HS6ST3: variants seen among roughly 807,000 people sequenced by gnomAD.
HS6ST3 encodes the protein heparan-sulfate 6-O-sulfotransferase 3.
A neutral mutation model predicts 36.7 loss-of-function variants in HS6ST3; 12 were observed. The ratio of observed to expected loss-of-function variants is 0.33; its 90% CI spans 0.21 to 0.53. HS6ST3 has a LOEUF of 0.53. Among genes scored for constraint, HS6ST3 ranks in the 20% least tolerant of loss-of-function variants. The pLI, the probability that HS6ST3 is intolerant of heterozygous loss-of-function variation, is 0.95. For synonymous variants in HS6ST3, 240 were observed against 257.5 expected, an observed-to-expected ratio of 0.93 and a Z score of 0.65; for missense variants, 584 against 640.9, an observed-to-expected ratio of 0.91 and a Z score of 0.96.
intron 1 of HS6ST3, among the ~76,000 whole-genome samples, chr13:96,753,963 C>T (rs1246558326): frequency 2.0e-5 from 3 of 152,020 alleles, no homozygotes; most frequent in East Asian, 1.9e-4. Flanking sequence ...GGATTACAGG[C>T]GCCCACTACC....
chr13:96,101,657 C>T lies in HS6ST3; in HGVS notation c.707+10088C>T, dbSNP rs556726678. ...GTTCAACATATATATTTATAGATGA[C>T]AAAATGCATATCCAATACCATGTCT... On this transcript the variant is annotated intron_variant, in intron 1 of 1. Coordinates refer to ENST00000376705, the MANE Select transcript of HS6ST3 (RefSeq NM_153456.4). Among the ~76,000 whole-genome samples the T allele has an allele frequency of 6.6e-5, 10 of 152,148 alleles. No individual in the cohort carries two copies. The East Asian group carries it at 1.9e-3, about 29-fold the overall frequency.
In HS6ST3 at chr13:96,832,881, A is replaced by G; in HGVS notation, c.1099A>G (p.Thr367Ala). 1.2e-6 allele frequency: 2 copies of G among 1,614,190 alleles called. No individual in the cohort carries two copies. The highest frequency in any genetic ancestry group is 1.7e-6 in the Non-Finnish European group (2 of 1,180,026). Residue 367 changes from threonine (T) to alanine (A), a missense_variant, in exon 2 of 2, where the codon ACA becomes GCA. Physicochemically the swap from Thr to Ala is moderately conservative, Grantham distance 58. Transcript: ENST00000376705. The stretch of plus-strand genomic sequence containing the variant: ...GAAGACACAGTTTCTCTTTGAGAGA[A>G]CATTCAACCTCAAGTTCATCTCCCC... ...QRKTQFLFER[T>A]FNLKFISPFT...
In HS6ST3 at chr13:96,118,645, GATATATATATATATATATATATATATAT is replaced by G. The variant is rs1258222344; in HGVS notation, c.707+27093_707+27120del. Among the ~76,000 whole-genome samples the G allele has an allele frequency of 1.9e-4, 8 of 42,776 alleles. No homozygotes were observed. In the East Asian group the frequency reaches 4.7e-3, roughly 25 times the overall value. 28.1% of individuals were successfully genotyped at this position (42,776 alleles called of 152,430 possible). ...ATCAATACTAATTAAGAACATTAAA[GATATATATATATATATATATATATATAT>G]ATATATATATATATATTTTTTTTTT... On this transcript the variant is annotated intron_variant, in intron 1 of 1. Transcript: ENST00000376705.
At chr13:96,118,770 G>A (rs914185086) in intron 1 of HS6ST3, among the ~76,000 whole-genome samples, 5 of 126,144 alleles carry the variant, frequency 4.0e-5, no homozygotes, top group Non-Finnish European at 6.3e-5. Flanking sequence ...GACTGCAGTG[G>A]CGCAATCTCG....
chr13:96,634,211 G>A (rs758605748), intron 1 of HS6ST3, among the ~76,000 whole-genome samples: 7 of 152,172 alleles, frequency 4.6e-5, no homozygotes, highest in Admixed American at 1.3e-4. Flanking sequence ...CATAGCAGCC[G>A]AACTGAGCAA....
chr13:96,704,678 A>G (rs1055946504), intron 1 of HS6ST3, among the ~76,000 whole-genome samples: 12 of 152,104 alleles, frequency 7.9e-5, no homozygotes, highest in Non-Finnish European at 1.3e-4. Context: ...AGAGGAAGCC[A>G]GGTATGAGGG....
At chr13:96,706,853 C>G (rs1225182740) in intron 1 of HS6ST3, among the ~76,000 whole-genome samples, 1 of 152,054 alleles carries the variant, frequency 6.6e-6, no homozygotes, top group Non-Finnish European at 1.5e-5. Context: ...CTTTCTCATT[C>G]CAACCCTTGC....
At chr13:96,781,083 C>G (rs1877514108) in intron 1 of HS6ST3, among the ~76,000 whole-genome samples, 1 of 152,206 alleles carries the variant, frequency 6.6e-6, no homozygotes, top group Non-Finnish European at 1.5e-5. Flanking sequence ...GTCTGTCTAA[C>G]TATGAAGACG....
At chr13:96,631,951 A>G (rs2056533452) in intron 1 of HS6ST3, among the ~76,000 whole-genome samples, 1 of 152,166 alleles carries the variant, frequency 6.6e-6, no homozygotes, top group South Asian at 2.1e-4. Flanking sequence ...TGCAAGGGTG[A>G]TTGGGCTCTT....
intron 1 of HS6ST3, among the ~76,000 whole-genome samples, chr13:96,653,980 A>G (rs997620690): frequency 1.3e-5 from 2 of 152,012 alleles, no homozygotes; most frequent in Admixed American, 1.3e-4. Context: ...ATTTTTTCAT[A>G]TGTTTGTTGG....
At chr13:96,353,560 T>G (rs1358123063) in intron 1 of HS6ST3, among the ~76,000 whole-genome samples, 9 of 144,248 alleles carry the variant, frequency 6.2e-5, no homozygotes, top group Admixed American at 6.1e-4. Context: ...TTACCAAACT[T>G]TTTTTTTTTC....
At chr13:96,279,795 G>A (rs1338767376) in intron 1 of HS6ST3, among the ~76,000 whole-genome samples, 1 of 152,112 alleles carries the variant, frequency 6.6e-6, no homozygotes, top group Non-Finnish European at 1.5e-5. Flanking sequence ...TCTGTATTGG[G>A]AGTAATTTGG....
At chr13:96,214,383 C>T (rs117770001) in intron 1 of HS6ST3, among the ~76,000 whole-genome samples, 2,581 of 152,270 alleles carry the variant, frequency 0.017, 34 homozygotes, top group East Asian at 0.055. Flanking sequence ...CTACTTCTCT[C>T]TTGGGGAGTA....
intron 1 of HS6ST3, among the ~76,000 whole-genome samples, chr13:96,731,896 T>C (rs1876163775): frequency 6.6e-6 from 1 of 152,104 alleles, no homozygotes; most frequent in African/African-American, 2.4e-5. Context: ...GCTCAAGCAA[T>C]CCTCCTGGCT....
chr13:96,238,928 G>T (rs2054547386), intron 1 of HS6ST3, among the ~76,000 whole-genome samples: 1 of 152,218 alleles, frequency 6.6e-6, no homozygotes, highest in Non-Finnish European at 1.5e-5. Flanking sequence ...AGCATAAGTG[G>T]TAAGGGTTGG....
chr13:96,701,816 G>A (rs547253917), intron 1 of HS6ST3, among the ~76,000 whole-genome samples: 22 of 152,186 alleles, frequency 1.4e-4, no homozygotes, highest in African/African-American at 4.6e-4. Context: ...ACAAAAATTA[G>A]CCAGGCATGG....
chr13:96,315,722 T>G (rs2139411523), intron 1 of HS6ST3, among the ~76,000 whole-genome samples: 1 of 152,328 alleles, frequency 6.6e-6, no homozygotes. Context: ...ATCATATGGC[T>G]GTATGTATTT....
At position 96,091,274 on chromosome 13, in the gene HS6ST3, G is replaced by A. The variant is rs185615621; in HGVS notation, c.412G>A (p.Val138Met). 157 of 1,612,724 alleles carry A rather than the reference G, an allele frequency of 9.7e-5. No homozygotes were observed. In the African/African-American group the frequency reaches 1.9e-3, roughly 20 times the overall value. ...NFSLKDLTRF[V>M]DFNIKGRDVI... is the part of the protein sequence containing the mutation. ...CAGCCTGAAGGACCTGACCCGCTTC[G>A]TGGATTTCAACATCAAAGGGCGCGA... Residue 138 changes from valine (V) to methionine (M), a missense_variant, in exon 1 of 2, where the codon GTG (valine) becomes ATG (methionine). Transcript: ENST00000376705.
chr13:96,349,871 C>G (rs559454513), intron 1 of HS6ST3, among the ~76,000 whole-genome samples: 2 of 152,230 alleles, frequency 1.3e-5, no homozygotes, highest in African/African-American at 4.8e-5. Context: ...GACTGCAGTT[C>G]TTATCAGGAA....
Sources: gnomAD v4.1 joint callset for allele counts (sites outside exome capture counted in the v4.1 genomes callset) on GRCh38, gnomAD v4.1.1 for gene constraint, MANE v1.5 for transcripts, NCBI Gene and HGNC (gene_info 2026-07-23, HGNC 2026-07-21) for gene names.